The following PARD3B variants were observed in gnomAD, a reference collection of about 807,000 sequenced individuals.
PARD3B encodes the protein par-3 family cell polarity regulator beta.
In PARD3B, 103 loss-of-function variants were observed where a neutral mutation model predicts 130.2. That is an observed-to-expected ratio of 0.79 (90% CI 0.67 to 0.93). The LOEUF (loss-of-function observed/expected upper bound fraction) is 0.93, where lower values mean the gene tolerates loss of function less well. Among genes scored for constraint, PARD3B ranks in the 40% least tolerant of loss-of-function variants. The pLI is 0.00. For synonymous variants in PARD3B, 583 were observed against 553.2 expected, an observed-to-expected ratio of 1.05 and a Z score of -0.76; for missense variants, 1,609 against 1,499.2, an observed-to-expected ratio of 1.07 and a Z score of -1.21.
intron 21 of PARD3B, among the ~76,000 whole-genome samples, chr2:205,528,601 T>C (rs948448335): frequency 2.0e-5 from 3 of 151,916 alleles, no homozygotes; most frequent in African/African-American, 7.2e-5. Context: ...AAGCGATTCT[T>C]CTGCCTCAGC....
chr2:204,972,478 C>CT (rs1025003038), intron 3 of PARD3B, among the ~76,000 whole-genome samples: 4 of 150,842 alleles, frequency 2.7e-5, no homozygotes, highest in Admixed American at 6.6e-5. Flanking sequence ...TTTCAATTTT[C>CT]TTTTTTTTTC....
chr2:205,533,844 C>T (rs752449507), intron 21 of PARD3B, among the ~76,000 whole-genome samples: 2 of 152,216 alleles, frequency 1.3e-5, no homozygotes, highest in African/African-American at 2.4e-5. Flanking sequence ...CCTTCCACCT[C>T]GGCCTCCCAA....
chr2:205,555,409 C>T (rs2052837184), intron 22 of PARD3B, among the ~76,000 whole-genome samples: 2 of 152,188 alleles, frequency 1.3e-5, no homozygotes, highest in Admixed American at 1.3e-4. Context: ...TACAGTAGTA[C>T]AACCAATGCT....
At chr2:205,237,087 CTTTG>C (rs542158879) in intron 15 of PARD3B, among the ~76,000 whole-genome samples, 32 of 151,836 alleles carry the variant, frequency 2.1e-4, no homozygotes, top group East Asian at 1.5e-3. Context: ...TGCTTAAACC[CTTTG>C]TTTGTTTGTT....
chr2:205,041,774 A>C (rs1698411738), intron 3 of PARD3B, among the ~76,000 whole-genome samples: 1 of 152,084 alleles, frequency 6.6e-6, no homozygotes, highest in Non-Finnish European at 1.5e-5. Flanking sequence ...AATTTAGAAC[A>C]TGTGCCTTGT....
At chr2:204,553,604 A>ATATATATGTG (rs1256009000) in intron 1 of PARD3B, among the ~76,000 whole-genome samples, 1 of 139,644 alleles carries the variant, frequency 7.2e-6, no homozygotes, top group African/African-American at 2.7e-5. Flanking sequence ...ATATATATGT[A>ATATATATGTG]TATATATGGC....
intron 1 of PARD3B, among the ~76,000 whole-genome samples, chr2:204,566,755 TTTC>T (rs551954250): frequency 4.3e-4 from 66 of 152,344 alleles, no homozygotes; most frequent in African/African-American, 1.3e-3. Context: ...TTTGATTTTT[TTTC>T]TTAAGTAGTT....
At chr2:205,214,706 A>T (rs984091570) in intron 15 of PARD3B, among the ~76,000 whole-genome samples, 1 of 152,096 alleles carries the variant, frequency 6.6e-6, no homozygotes, top group African/African-American at 2.4e-5. Context: ...TGCTAAGACA[A>T]CTGAGAAACA....
intron 18 of PARD3B, among the ~76,000 whole-genome samples, chr2:205,373,920 C>A (rs2044924403): frequency 1.3e-5 from 2 of 152,142 alleles, no homozygotes; most frequent in African/African-American, 2.4e-5. Flanking sequence ...GCATTAAATT[C>A]ATCACTGATG....
chr2:204,939,377 G>T (rs1242021413), intron 2 of PARD3B, among the ~76,000 whole-genome samples: 3 of 152,106 alleles, frequency 2.0e-5, no homozygotes, highest in African/African-American at 7.2e-5. Flanking sequence ...ATATTTCCAA[G>T]GGGAGGTGAC....
intron 15 of PARD3B, among the ~76,000 whole-genome samples, chr2:205,233,420 G>A (rs2038930649): frequency 6.6e-6 from 1 of 152,048 alleles, no homozygotes; most frequent in Non-Finnish European, 1.5e-5. Context: ...CTACATAAAT[G>A]AAGATAATCA....
chr2:204,938,340 A>C (rs897785483), intron 2 of PARD3B, among the ~76,000 whole-genome samples: 1 of 152,150 alleles, frequency 6.6e-6, no homozygotes, highest in African/African-American at 2.4e-5. Context: ...TGTTCTTTCA[A>C]CAAGCCAAAG....
chr2:205,504,744 G>A (rs1433641974), intron 21 of PARD3B, among the ~76,000 whole-genome samples: 2 of 152,136 alleles, frequency 1.3e-5, no homozygotes, highest in African/African-American at 4.8e-5. Context: ...GAAACAACAG[G>A]TGCTGGAAAG....
At chr2:205,488,829 G>T (rs2049551096) in intron 20 of PARD3B, among the ~76,000 whole-genome samples, 1 of 152,088 alleles carries the variant, frequency 6.6e-6, no homozygotes, top group East Asian at 1.9e-4. Context: ...TTGCTATTCT[G>T]CCCCCAAGCC....
chr2:204,592,010 C>G (rs1349054271), intron 1 of PARD3B, among the ~76,000 whole-genome samples: 1 of 151,996 alleles, frequency 6.6e-6, no homozygotes, highest in Non-Finnish European at 1.5e-5. Flanking sequence ...ATTTTTCTAC[C>G]AATACTAACA....
At position 205,615,535 on chromosome 2, in the gene PARD3B, C is replaced by T; in HGVS notation, c.3340C>T (p.Pro1114Ser). 1.2e-6 allele frequency: 2 copies of T among 1,614,164 alleles called. No individual in the cohort carries two copies. Among genetic ancestry groups the T allele is most frequent in the South Asian group, 1.1e-5 (1 of 91,074 alleles). Residue 1114 changes from proline (P) to serine (S), a missense_variant, in exon 23 of 23, where the codon CCA becomes TCA. Transcript: ENST00000406610. ...CAAGGAAAGGGAGCTTCCCTATTAT[C>T]CAGGGGCTCATCCTATGCACCCTCC... ...LYKERELPYY[P>S]GAHPMHPPKG...
intron 1 of PARD3B, among the ~76,000 whole-genome samples, chr2:204,594,529 G>A (rs1044131718): frequency 3.3e-5 from 5 of 152,126 alleles, no homozygotes; most frequent in African/African-American, 7.2e-5. Flanking sequence ...AAGATCAAAC[G>A]TCTAGAAAAC....
intron 22 of PARD3B, among the ~76,000 whole-genome samples, chr2:205,609,343 C>T (rs542570332): frequency 1.8e-4 from 27 of 152,252 alleles, no homozygotes; most frequent in Non-Finnish European, 2.4e-4. Flanking sequence ...GAAGAAAGCA[C>T]CGACCCCAGC....
chr2:205,454,295 A>C (rs1327949506), intron 20 of PARD3B, among the ~76,000 whole-genome samples: 2 of 152,164 alleles, frequency 1.3e-5, no homozygotes, highest in African/African-American at 2.4e-5. Flanking sequence ...TTTGTATTTA[A>C]TGCAAAGTGT....
Sources: gnomAD v4.1 joint callset for allele counts (sites outside exome capture counted in the v4.1 genomes callset) on GRCh38, gnomAD v4.1.1 for gene constraint, MANE v1.5 for transcripts, NCBI Gene and HGNC (gene_info 2026-07-23, HGNC 2026-07-21) for gene names.